Variants in MYO1E observed in about 807,000 individuals in gnomAD.
The protein encoded by MYO1E is myosin IE, also known as unconventional myosin-Ie.
Under a neutral mutation model 151.1 loss-of-function variants are expected in MYO1E, and 68 were observed. The ratio of observed to expected loss-of-function variants is 0.45; its 90% confidence interval spans 0.37 to 0.55. The LOEUF is 0.55. MYO1E is among the 20% of genes least tolerant of loss of function. The pLI is 0.00. For synonymous variants in MYO1E, 601 were observed against 501.7 expected (o/e 1.20, Z -2.64); for missense variants, 1,363 against 1,389.3 (o/e 0.98, Z 0.30).
At chr15:59,255,614 T>A (rs764413600) in intron 4 of MYO1E, among the ~76,000 whole-genome samples, 7 of 152,146 alleles carry the variant, frequency 4.6e-5, no homozygotes, top group Non-Finnish European at 8.8e-5. Flanking sequence ...GTATCCAATC[T>A]TTTGGCTTCC....
chr15:59,243,715 C>A (rs1248610644), intron 4 of MYO1E, among the ~76,000 whole-genome samples: 1 of 152,286 alleles, frequency 6.6e-6, no homozygotes, highest in East Asian at 1.9e-4. Flanking sequence ...TTTACTGATA[C>A]ACACCCATTT....
At chr15:59,153,568 C>T in intron 26 of MYO1E, 22 bp downstream of exon 26, 2 of 1,612,232 alleles carry the variant, frequency 1.2e-6, no homozygotes, top group African/African-American at 1.3e-5. Context: ...CCGGCTTCAT[C>T]CAGAGGATGT....
rs532160661 is a variant in MYO1E, at chr15:59,198,114, C to T, written c.1699-2547G>A. Among the ~76,000 whole-genome samples the T allele has an allele frequency of 5.2e-4, 79 of 152,338 alleles. 1 individual carries two copies. The highest frequency in any genetic ancestry group is 1.9e-3 in the African/African-American group (77 of 41,582). On this transcript the variant is annotated intron_variant, in intron 16 of 27. Coordinates refer to ENST00000288235, the MANE Select transcript of MYO1E (RefSeq NM_004998.4). ...ATCCTGGCCTCAAGCAATCTTCCCA[C>T]CTTGGCCTCCCAGAGTGCTGAGATT...
At chr15:59,268,718 G>GTTTT (rs1452818863) in intron 2 of MYO1E, among the ~76,000 whole-genome samples, 2 of 12,042 alleles carry the variant, frequency 1.7e-4, no homozygotes, top group African/African-American at 1.4e-4. Context: ...GGTGACTTTG[G>GTTTT]TATTTTTTTT....
intron 1 of MYO1E, chr15:59,348,593 C>T (rs1452789690): frequency 6.6e-6 from 1 of 151,434 alleles, no homozygotes; most frequent in East Asian, 1.9e-4. Flanking sequence ...AGACCATTGG[C>T]TATATGTCAG....
intron 2 of MYO1E, among the ~76,000 whole-genome samples, chr15:59,266,126 G>A (rs913136894): frequency 6.6e-6 from 1 of 152,116 alleles, no homozygotes; most frequent in African/African-American, 2.4e-5. Context: ...TTTCCACCTT[G>A]CTATGTCTGC....
At chr15:59,355,965 T>C (rs1437136187) in intron 1 of MYO1E, among the ~76,000 whole-genome samples, 7 of 152,134 alleles carry the variant, frequency 4.6e-5, no homozygotes, top group Admixed American at 3.9e-4. Flanking sequence ...GCAATCCACC[T>C]GCCTAGGCCT....
At position 59,222,427 on chromosome 15, in the gene MYO1E, G is replaced by A. The variant is rs539283491; in HGVS notation, c.910+632C>T. ...TGTAACCAGCAGCACCTCTCTGTAG[G>A]AAGAACCCTGATTTTTTTTCTCAAA... is the stretch of plus-strand genomic sequence containing the variant. On this transcript the variant is annotated intron_variant, in intron 9 of 27. Transcript: ENST00000288235. Among the ~76,000 whole-genome samples the A allele has an allele frequency of 1.3e-4, 20 of 152,238 alleles. No homozygotes were observed. In the South Asian group the frequency reaches 3.9e-3, roughly 30 times the overall value.
chr15:59,204,248 G>A (rs568970154), intron 15 of MYO1E, among the ~76,000 whole-genome samples: 12 of 152,168 alleles, frequency 7.9e-5, no homozygotes, highest in South Asian at 6.2e-4. Context: ...GCAAGGAAGC[G>A]CAGGGATGGA....
intron 1 of MYO1E, among the ~76,000 whole-genome samples, chr15:59,331,796 T>C (rs1339391642): frequency 3.3e-5 from 5 of 152,260 alleles, no homozygotes; most frequent in African/African-American, 1.2e-4. Flanking sequence ...AAATTATTAA[T>C]GTTTCAATCA....
chr15:59,339,863 T>G (rs1252705291), intron 1 of MYO1E, among the ~76,000 whole-genome samples: 3 of 151,246 alleles, frequency 2.0e-5, no homozygotes, highest in Non-Finnish European at 4.4e-5. Context: ...GTTTTTTTTT[T>G]TTTTGACAGA....
At chr15:59,266,663 C>CTTTTTTTTTTT (rs34640095) in intron 2 of MYO1E, 2 of 130,364 alleles carry the variant, frequency 1.5e-5, no homozygotes, top group African/African-American at 2.8e-5. Context: ...TTTTGCTGTT[C>CTTTTTTTTTTT]TTTTTTTTTT....
At chr15:59,338,123 T>C (rs1250879023) in intron 1 of MYO1E, among the ~76,000 whole-genome samples, 1 of 151,556 alleles carries the variant, frequency 6.6e-6, no homozygotes, top group Non-Finnish European at 1.5e-5. Flanking sequence ...TATTGACAAC[T>C]GCATTGTGAG....
intron 16 of MYO1E, among the ~76,000 whole-genome samples, chr15:59,197,386 T>C (rs1474633915): frequency 4.6e-5 from 7 of 152,202 alleles, no homozygotes; most frequent in Admixed American, 3.9e-4. Context: ...TAAGAAAACA[T>C]AGAGAGGCAA....
rs956233858 is a variant in MYO1E, at chr15:59,155,410, T to A, written c.2879-1619A>T. Among the ~76,000 whole-genome samples the A allele has an allele frequency of 3.3e-5, 5 of 152,240 alleles. No individual in the cohort carries two copies. The South Asian group carries it at 1.0e-3, about 31-fold the overall frequency. ...GGTTTGTGACGGACTGGAAATTTTTTAAAACCCCCTGAAAACTCCTGGTCT... is the reference window on the plus strand; with the variant it reads ...GGTTTGTGACGGACTGGAAATTTTTAAAAACCCCCTGAAAACTCCTGGTCT... On this transcript the variant is annotated intron_variant, in intron 25 of 27. Transcript: ENST00000288235.
At position 59,210,402 on chromosome 15, in the gene MYO1E, T is replaced by A. The variant is rs531484478; in HGVS notation, c.1362+112A>T. ...AAAACTAGTACAATTGCTCAAATTCTCTGCAAATCAGAGTTGTCACTTTGC... is the reference window on the plus strand; with the variant it reads ...AAAACTAGTACAATTGCTCAAATTCACTGCAAATCAGAGTTGTCACTTTGC... On this transcript the variant is annotated intron_variant, in intron 13 of 27. Transcript: ENST00000288235. 131 of 789,784 alleles carry A rather than the reference T, an allele frequency of 1.7e-4. 1 individual carries two copies. The African/African-American group carries it at 2.1e-3, about 13-fold the overall frequency. The allele number at this position is 789,784 out of a possible 1,614,324, so 48.9% of individuals were successfully genotyped here. A position where few individuals can be genotyped will look rare whatever the true frequency, so the allele number is the denominator to read the frequency against.
At chr15:59,263,825 G>GA (rs1330098482) in intron 2 of MYO1E, among the ~76,000 whole-genome samples, 2 of 152,142 alleles carry the variant, frequency 1.3e-5, no homozygotes, top group Non-Finnish European at 2.9e-5. Context: ...AGTTATGGAA[G>GA]AAGGGCCATG....
At position 59,205,447 on chromosome 15, in the gene MYO1E, C is replaced by G; in HGVS notation, c.1569G>C (p.Arg523=). 1.2e-6 allele frequency: 2 copies of G among 1,614,170 alleles called. No individual in the cohort carries two copies. Among genetic ancestry groups the G allele is most frequent in the Non-Finnish European group, 1.7e-6 (2 of 1,180,042 alleles). ...CGATGAGATCCATAAAAAGCACATC[C>G]CGGTTCCTTTCACAAAAGCCATCCA... ...YDMDGFCERN[R]DVLFMDLIEL... Residue 523 remains arginine (R), a synonymous_variant, in exon 15 of 28, where the codon CGG becomes CGC. Coordinates refer to ENST00000288235, the MANE Select transcript of MYO1E (RefSeq NM_004998.4).
intron 1 of MYO1E, among the ~76,000 whole-genome samples, chr15:59,308,234 A>C (rs1433044481): frequency 8.3e-6 from 1 of 120,094 alleles, no homozygotes. Flanking sequence ...AAAAAAAAAA[A>C]AAAAAAAAAA....
Sources: gnomAD v4.1 joint callset for allele counts (sites outside exome capture counted in the v4.1 genomes callset) on GRCh38, gnomAD v4.1.1 for gene constraint, MANE v1.5 for transcripts, NCBI Gene and HGNC (gene_info 2026-07-23, HGNC 2026-07-21) for gene names.